ACOT11: variants seen among roughly 807,000 people sequenced by gnomAD.
ACOT11 encodes the protein acyl-CoA thioesterase 11, also known as acyl-coenzyme A thioesterase 11.
ACOT11 carries 69 observed loss-of-function variants against 77.5 expected under a neutral mutation model. The ratio of observed to expected loss-of-function variants is 0.89; its 90% CI spans 0.73 to 1.09. The LOEUF (loss-of-function observed/expected upper bound fraction) is 1.09, where lower values mean the gene tolerates loss of function less well. Ranked by LOEUF, ACOT11 falls within the 50% of genes least tolerant of loss-of-function variation. ACOT11 has a pLI of 0.00. For synonymous variants in ACOT11, 279 were observed against 313.0 expected, an observed-to-expected ratio of 0.89 and a Z score of 1.15; for missense variants, 766 against 813.7, an observed-to-expected ratio of 0.94 and a Z score of 0.71.
At chr1:54,613,247 C>T (rs1178554876), downstream of ACOT11, among the ~76,000 whole-genome samples, 2 of 151,954 alleles carry the variant, frequency 1.3e-5, no homozygotes, top group Non-Finnish European at 2.9e-5. Context: ...AACGTGGTGG[C>T]GCATGGCTAT....
intron 1 of ACOT11, among the ~76,000 whole-genome samples, chr1:54,549,803 C>T (rs867458165): frequency 6.6e-6 from 1 of 152,182 alleles, no homozygotes; most frequent in South Asian, 2.1e-4. Flanking sequence ...GTAGCAGGGC[C>T]GCTTGCTCTT....
Position 54,603,954 on chromosome 1 carries a change from C to T in ACOT11, c.1152+17C>T, listed in dbSNP as rs77439561. 2.8e-3 allele frequency: 4,452 copies of T among 1,613,024 alleles called. 110 individuals are homozygous for T. The East Asian group carries it at 0.054, about 20-fold the overall frequency. ...AGCAACCAGGTAAGGCTCTCTGCTC[C>T]GAGAGGACAGTCTTCAGACCCACCG... On this transcript the variant is annotated intron_variant, in intron 11 of 15. Transcript: ENST00000343744.
At chr1:54,608,200 G>C (rs1238113664) in intron 15 of ACOT11, 132 bp downstream of exon 15, 1 of 815,062 alleles carries the variant, frequency 1.2e-6, no homozygotes, top group African/African-American at 1.7e-5. Context: ...TCCAGCCTGG[G>C]GGAGCCTGAG....
At chr1:54,613,315 G>T (rs1016371848), downstream of ACOT11, among the ~76,000 whole-genome samples, 1 of 151,958 alleles carries the variant, frequency 6.6e-6, no homozygotes, top group Non-Finnish European at 1.5e-5. Context: ...GGAGGCGGAG[G>T]TTGTGGTGAG....
intron 15 of ACOT11, among the ~76,000 whole-genome samples, chr1:54,616,884 G>C (rs1396158472): frequency 2.0e-5 from 3 of 152,088 alleles, no homozygotes; most frequent in Non-Finnish European, 4.4e-5. Flanking sequence ...GTAAGTTTCT[G>C]ATTTTTGCTA....
chr1:54,610,787 C>G (rs891806203), downstream of ACOT11: 7 of 984,526 alleles, frequency 7.1e-6, no homozygotes, highest in African/African-American at 1.2e-4. Flanking sequence ...CCAGGTCTGC[C>G]TGGCTCCAGA....
chr1:54,614,606 A>T (rs886178859), downstream of ACOT11: 53 of 1,301,842 alleles, frequency 4.1e-5, no homozygotes, highest in Non-Finnish European at 5.5e-5. Context: ...GTATGATTGG[A>T]GACAAACTCA....
downstream of ACOT11, among the ~76,000 whole-genome samples, chr1:54,613,901 A>G (rs555574715): frequency 6.6e-6 from 1 of 152,292 alleles, no homozygotes; most frequent in African/African-American, 2.4e-5. Flanking sequence ...CTGGGTTTGA[A>G]TCTTTGCTCT....
chr1:54,605,797 ATCT>A (rs1644017714), intron 13 of ACOT11, among the ~76,000 whole-genome samples: 2 of 152,342 alleles, frequency 1.3e-5, no homozygotes, highest in African/African-American at 4.8e-5. Flanking sequence ...TCACATGACT[ATCT>A]TCTTCTCGAA....
rs1422373168 is a variant in ACOT11 at position 54,599,549 on chromosome 1, T to C, written c.884+134T>C. The stretch of plus-strand genomic sequence containing the variant: ...AGGGTCTAAATCCCTGCCTGGCTGA[T>C]GGGTTCCTCTGAAATTCAGCTCTGA... On this transcript the variant is annotated intron_variant, in intron 8 of 15. Coordinates refer to ENST00000343744, the MANE Select transcript of ACOT11 (RefSeq NM_147161.4). The C allele has an allele frequency of 1.2e-5, 12 of 1,039,214 alleles. No homozygotes were observed. In the East Asian group the frequency reaches 4.0e-4, roughly 35 times the overall value. 64.4% of individuals were successfully genotyped at this position (1,039,214 alleles called of 1,614,324 possible). A position where few individuals can be genotyped will look rare whatever the true frequency, so the allele number is the denominator to read the frequency against.
chr1:54,605,008 C>G (rs1468151521), intron 12 of ACOT11, 68 bp from the exon 13 acceptor site: 6 of 1,519,402 alleles, frequency 3.9e-6, no homozygotes, highest in Non-Finnish European at 3.6e-6. Flanking sequence ...CTTCCAGTCT[C>G]AGCCTCCAGC....
chr1:54,602,858 T>A, intron 10 of ACOT11, 134 bp downstream of exon 10: 3 of 984,024 alleles, frequency 3.0e-6, no homozygotes, highest in Non-Finnish European at 4.2e-6. Flanking sequence ...TCCTCTCGTT[T>A]TGGTCTTATT....
At chr1:54,631,216 A>T (rs1023002865) in intron 16 of ACOT11, among the ~76,000 whole-genome samples, 1 of 152,156 alleles carries the variant, frequency 6.6e-6, no homozygotes, top group Non-Finnish European at 1.5e-5. Context: ...TCTTAGTTCT[A>T]TTCAGGCAGG....
intron 3 of ACOT11, among the ~76,000 whole-genome samples, chr1:54,590,264 T>C (rs971979254): frequency 6.6e-6 from 1 of 152,154 alleles, no homozygotes; most frequent in East Asian, 1.9e-4. Flanking sequence ...GCAATTAACA[T>C]GTTCCTCTGT....
At chr1:54,549,732 T>C (rs1276970866) in intron 1 of ACOT11, among the ~76,000 whole-genome samples, 2 of 152,186 alleles carry the variant, frequency 1.3e-5, no homozygotes, top group Non-Finnish European at 2.9e-5. Flanking sequence ...GGCCAGGGAA[T>C]GCTTAATGAA....
Position 54,554,351 on chromosome 1 carries a change from A to ATTTTT in ACOT11, c.33+6023_33+6027dup, listed in dbSNP as rs35047110. ...TGTGTGTGTATATATATATATATATATTTTTTTTTTTTTTTTTTGAGATGG... is the reference window on the plus strand; with the variant it reads ...TGTGTGTGTATATATATATATATATATTTTTTTTTTTTTTTTTTTTTTTGAGATGG... On this transcript the variant is annotated intron_variant, in intron 1 of 15. Coordinates refer to ENST00000343744, the MANE Select transcript of ACOT11 (RefSeq NM_147161.4). 4.1e-4 allele frequency among the ~76,000 whole-genome samples: 40 copies of ATTTTT among 97,252 alleles called. 2 individuals are homozygous for ATTTTT. The highest frequency in any genetic ancestry group is 1.4e-3 in the African/African-American group (33 of 23,370). The allele number at this position is 97,252 out of a possible 152,430, so 63.8% of individuals were successfully genotyped here. A position where few individuals can be genotyped will look rare whatever the true frequency, so the allele number is the denominator to read the frequency against.
chr1:54,605,222 G>A lies in ACOT11; in HGVS notation c.1370+13G>A, dbSNP rs1644010907. 4 of 1,611,112 alleles carry A rather than the reference G, an allele frequency of 2.5e-6. No individual in the cohort carries two copies. The South Asian group carries it at 3.3e-5, about 13-fold the overall frequency. On this transcript the variant is annotated intron_variant, in intron 13 of 15. Transcript: ENST00000343744. ...ACAAGCACTACCGGTGAGGGGCCAG[G>A]GTGAGGGCAGGGCAGTGTCCCTTCT...
chr1:54,611,524 A>C, downstream of ACOT11: 1 of 1,460,584 alleles, frequency 6.8e-7, no homozygotes, highest in Non-Finnish European at 9.5e-7. Flanking sequence ...TATCCCTTCC[A>C]CCCAGCTCTG....
At position 54,584,816 on chromosome 1, in the gene ACOT11, C is replaced by A. The variant is rs201412565; in HGVS notation, c.195C>A (p.Ser65Arg). 1 of 1,614,012 alleles carries A rather than the reference C, an allele frequency of 6.2e-7. No individual in the cohort carries two copies. Among genetic ancestry groups the A allele is most frequent in the Non-Finnish European group, 8.5e-7 (1 of 1,180,028 alleles). ...PCHTNQRGEL[S>R]VGQLLKWIDT... ...ACACCAACCAACGTGGTGAGCTGAGCGTCGGGCAGCTGCTCAAGTGGATTG... is the reference window on the plus strand; with the variant it reads ...ACACCAACCAACGTGGTGAGCTGAGAGTCGGGCAGCTGCTCAAGTGGATTG... Residue 65 changes from serine to arginine, a missense_variant, in exon 2 of 16, where the codon AGC becomes AGA. Physicochemically the swap from Ser to Arg is moderately radical, Grantham distance 110. Transcript: ENST00000343744. The surrounding 1 kb of genome is among the most constrained non-coding windows in gnomAD (Gnocchi z 6.3).
Sources: allele counts gnomAD v4.1 joint callset (sites outside exome capture counted in the v4.1 genomes callset), GRCh38; gene constraint gnomAD v4.1.1; non-coding constraint Gnocchi (gnomAD v3.1); transcripts MANE v1.5; gene names NCBI Gene and HGNC (gene_info 2026-07-23, HGNC 2026-07-21).